The following RAPGEF2 variants were observed in gnomAD, a reference collection of about 807,000 sequenced individuals.
RAPGEF2 encodes the protein Rap guanine nucleotide exchange factor 2.
Under a neutral mutation model 186.7 loss-of-function variants are expected in RAPGEF2, and 54 were observed. That is an observed-to-expected ratio of 0.29 (90% CI 0.23 to 0.36). RAPGEF2 has a LOEUF of 0.36. Among genes scored for constraint, RAPGEF2 ranks in the 10% least tolerant of loss-of-function variants. The pLI, the probability that RAPGEF2 is intolerant of heterozygous loss-of-function variation, is 1.00. For synonymous variants in RAPGEF2, 712 were observed against 705.9 expected, an observed-to-expected ratio of 1.01 and a Z score of -0.14; for missense variants, 1,532 against 2,045.0, an observed-to-expected ratio of 0.75 and a Z score of 4.84.
chr4:159,253,824 T>A (rs1395707172), intron 7 of RAPGEF2, among the ~76,000 whole-genome samples: 1 of 151,842 alleles, frequency 6.6e-6, no homozygotes, highest in Non-Finnish European at 1.5e-5. Context: ...AAAAATGAGC[T>A]GGGTGTGGTG....
intron 2 of RAPGEF2, among the ~76,000 whole-genome samples, chr4:159,187,298 C>T (rs947992017): frequency 1.6e-4 from 24 of 151,436 alleles, no homozygotes; most frequent in Admixed American, 1.4e-3. Flanking sequence ...TTTCTTCTTC[C>T]TCCTCCCCTT....
At chr4:159,121,672 A>T (rs537334610) in intron 1 of RAPGEF2, among the ~76,000 whole-genome samples, 27 of 152,128 alleles carry the variant, frequency 1.8e-4, no homozygotes, top group Admixed American at 8.5e-4. Context: ...TAAATATATT[A>T]AAAAAATTTT....
In RAPGEF2 at chr4:159,353,943, A is replaced by C. The variant is rs1488370782; in HGVS notation, c.4548A>C (p.Glu1516Asp). ...GGGGTGGAAAGGATGTTTCCATTGAAGCCGAAAGCAGTAGCCTAACGTCTG... is the reference window on the plus strand; with the variant it reads ...GGGGTGGAAAGGATGTTTCCATTGACGCCGAAAGCAGTAGCCTAACGTCTG... ...KRRGGKDVSI[E>D]AESSSLTSVT... Residue 1516 changes from glutamate to aspartate, a missense_variant, in exon 28 of 30, where the codon GAA (glutamate) becomes GAC (aspartate). Transcript: ENST00000691494. The surrounding 1 kb of genome is among the most constrained non-coding windows in gnomAD (Gnocchi z 4.3). 18 of 1,613,962 alleles carry C rather than the reference A, an allele frequency of 1.1e-5. No homozygotes were observed. Among genetic ancestry groups the C allele is most frequent in the Non-Finnish European group, 1.5e-5 (18 of 1,180,030 alleles).
chr4:159,107,128 T>C (rs1397089348), intron 1 of RAPGEF2, among the ~76,000 whole-genome samples: 7 of 152,210 alleles, frequency 4.6e-5, no homozygotes, highest in Non-Finnish European at 1.0e-4. Context: ...GGCTGAGTTC[T>C]AGTCAATGGG....
intron 3 of RAPGEF2, among the ~76,000 whole-genome samples, chr4:159,195,730 A>G (rs963611455): frequency 3.9e-5 from 6 of 151,902 alleles, no homozygotes; most frequent in Admixed American, 1.3e-4. Context: ...TGGGGTAAAC[A>G]CACACTCTCT....
chr4:159,325,167 A>G (rs1184135581), intron 11 of RAPGEF2, among the ~76,000 whole-genome samples: 2 of 152,144 alleles, frequency 1.3e-5, no homozygotes, highest in Non-Finnish European at 2.9e-5. Flanking sequence ...AATTCCGTCC[A>G]TGAGCACCAT....
chr4:159,275,054 CGTGTGT>C (rs35461332), intron 7 of RAPGEF2, among the ~76,000 whole-genome samples: 11,927 of 143,864 alleles, frequency 0.083, 524 homozygotes, highest in Non-Finnish European at 0.097. Flanking sequence ...CTCTGTCTCT[CGTGTGT>C]GTGTGTGTGT....
In RAPGEF2 at chr4:159,312,063, T is replaced by C. The variant is rs28696350; in HGVS notation, c.676-2528T>C. Among the ~76,000 whole-genome samples the C allele has an allele frequency of 7.0e-3, 1,068 of 152,294 alleles. 11 individuals are homozygous for C. Among genetic ancestry groups the C allele is most frequent in the African/African-American group, 0.024 (1,012 of 41,558 alleles). On this transcript the variant is annotated intron_variant, in intron 8 of 29. Transcript: ENST00000691494. Reference sequence around the variant, plus strand: ...TAAATCCAGTTGACAGTTGAAAGTCTTTATGTTCTGCTTAAGCCTTAAATA... The same window carrying C: ...TAAATCCAGTTGACAGTTGAAAGTCCTTATGTTCTGCTTAAGCCTTAAATA...
At chr4:159,151,488 T>A (rs1484764819) in intron 1 of RAPGEF2, among the ~76,000 whole-genome samples, 1 of 152,240 alleles carries the variant, frequency 6.6e-6, no homozygotes, top group Non-Finnish European at 1.5e-5. Flanking sequence ...TGAGAAAATT[T>A]TTAAAAATAC....
chr4:159,259,476 C>A (rs1238178611), intron 7 of RAPGEF2, among the ~76,000 whole-genome samples: 1 of 152,150 alleles, frequency 6.6e-6, no homozygotes, highest in Non-Finnish European at 1.5e-5. Context: ...TAAAGCACAG[C>A]TATCTTTTTT....
At chr4:159,305,756 C>T (rs1312923095) in intron 8 of RAPGEF2, among the ~76,000 whole-genome samples, 1 of 152,076 alleles carries the variant, frequency 6.6e-6, no homozygotes. Context: ...AGACCAGTGT[C>T]CAAAAGAATT....
chr4:159,147,703 C>T (rs1743093617), intron 1 of RAPGEF2, among the ~76,000 whole-genome samples: 2 of 152,328 alleles, frequency 1.3e-5, no homozygotes, highest in South Asian at 4.1e-4. Flanking sequence ...TTAAAAATTA[C>T]ACTCATGCAT....
At chr4:159,284,461 C>G (rs1388782624) in intron 7 of RAPGEF2, among the ~76,000 whole-genome samples, 2 of 147,918 alleles carry the variant, frequency 1.4e-5, no homozygotes, top group Non-Finnish European at 3.0e-5. Context: ...TAGTTAATGC[C>G]TACCTCCCAC....
At chr4:159,338,640 T>C (rs1167501117) in intron 18 of RAPGEF2, among the ~76,000 whole-genome samples, 172 bp downstream of exon 18, 2 of 152,230 alleles carry the variant, frequency 1.3e-5, no homozygotes, top group Non-Finnish European at 2.9e-5. Context: ...CCAGTTCTCT[T>C]TACATTCAGC....
At chr4:159,269,982 G>A (rs1757918639) in intron 7 of RAPGEF2, among the ~76,000 whole-genome samples, 1 of 152,192 alleles carries the variant, frequency 6.6e-6, no homozygotes. Flanking sequence ...TATTCTGTAA[G>A]CCTGTTTGTT....
At chr4:159,271,553 AT>A (rs1758134456) in intron 7 of RAPGEF2, among the ~76,000 whole-genome samples, 2 of 152,052 alleles carry the variant, frequency 1.3e-5, no homozygotes, top group South Asian at 4.2e-4. Context: ...ATTAAAAAGA[AT>A]TTTTTTCAGG....
rs1241003304 is a variant in RAPGEF2 at position 159,186,675 on chromosome 4, A to G, written c.103A>G (p.Met35Val). 10 of 1,475,732 alleles carry G rather than the reference A, an allele frequency of 6.8e-6. No individual in the cohort carries two copies. Among genetic ancestry groups the G allele is most frequent in the African/African-American group, 1.4e-5 (1 of 71,116 alleles). The allele number at this position is 1,475,732 out of a possible 1,614,324, so 91.4% of individuals were successfully genotyped here. A position where few individuals can be genotyped will look rare whatever the true frequency, so the allele number is the denominator to read the frequency against. The change falls in exon 2 of 30, where the codon ATG becomes GTG. Residue 35 changes from methionine (M) to valine (V), a missense_variant. By Grantham distance (21) the Met-to-Val change is conservative. This residue lies in a region of RAPGEF2 where 810 missense variants were observed against 1,210.5 expected (regional missense o/e 0.67). Transcript: ENST00000691494. ...AATAGTATATTCCTATTTACATGGT[A>G]TGGAAGCCTTATCAAACTTGAGGGA... ...LEIVYSYLHG[M>V]EALSNLREHQ...
At chr4:159,285,460 G>A (rs1760332338) in intron 7 of RAPGEF2, among the ~76,000 whole-genome samples, 1 of 152,196 alleles carries the variant, frequency 6.6e-6, no homozygotes, top group African/African-American at 2.4e-5. Context: ...TATTTACAAA[G>A]CTACATTAAT....
chr4:159,240,851 G>C (rs1346273488), intron 5 of RAPGEF2, among the ~76,000 whole-genome samples: 2 of 145,602 alleles, frequency 1.4e-5, no homozygotes, highest in Non-Finnish European at 3.0e-5. Context: ...GCTTAAGACA[G>C]TGTGGCAGTT....
Sources: gnomAD v4.1 joint callset for allele counts (sites outside exome capture counted in the v4.1 genomes callset) on GRCh38, gnomAD v4.1.1 for gene constraint, gnomAD v4.1.1 regional missense constraint, Gnocchi (gnomAD v3.1) non-coding constraint, MANE v1.5 for transcripts, NCBI Gene and HGNC (gene_info 2026-07-23, HGNC 2026-07-21) for gene names.